The following TBC1D8 variants were observed in gnomAD, a reference collection of about 807,000 sequenced individuals.
TBC1D8 encodes the protein BUB2-like protein 1.
Under a neutral mutation model 118.8 loss-of-function variants are expected in TBC1D8, and 65 were observed. The observed-to-expected ratio is 0.55, with a 90% CI of 0.45 to 0.67. The LOEUF is 0.67. Ranked by LOEUF, TBC1D8 falls within the 30% of genes least tolerant of loss-of-function variation. The pLI is 0.00. For missense variants in TBC1D8, 1,376 were observed against 1,471.2 expected (o/e 0.94, Z 1.06); for synonymous variants, 566 against 595.8 (o/e 0.95, Z 0.73).
intron 17 of TBC1D8, among the ~76,000 whole-genome samples, chr2:101,017,398 T>G (rs991586843): frequency 2.0e-5 from 3 of 152,244 alleles, no homozygotes; most frequent in African/African-American, 4.8e-5. Context: ...TATGCTATAC[T>G]TTTATACAAC....
At chr2:101,035,848 C>T (rs1680971509) in intron 9 of TBC1D8, among the ~76,000 whole-genome samples, 170 bp downstream of exon 9, 1 of 152,200 alleles carries the variant, frequency 6.6e-6, no homozygotes, top group South Asian at 2.1e-4. Context: ...TGACCCAGGT[C>T]CCACAGCTGA....
At chr2:101,134,191 TCTCTCTCACA>T (rs1159786432) in intron 1 of TBC1D8, among the ~76,000 whole-genome samples, 13 of 96,100 alleles carry the variant, frequency 1.4e-4, no homozygotes, top group East Asian at 6.9e-4. Flanking sequence ...TCTCTCTCTC[TCTCTCTCACA>T]CACACACACA....
intron 1 of TBC1D8, among the ~76,000 whole-genome samples, chr2:101,105,943 T>A (rs1003962800): frequency 9.9e-5 from 15 of 152,128 alleles, no homozygotes; most frequent in Non-Finnish European, 1.9e-4. Flanking sequence ...TATTCATAAT[T>A]ATCTAAAACT....
chr2:101,023,734 T>C (rs1439782405), intron 15 of TBC1D8: 2 of 348,706 alleles, frequency 5.7e-6, no homozygotes, highest in Admixed American at 4.6e-5. Flanking sequence ...TTTCCACCCA[T>C]ACTAAATGAC....
intron 1 of TBC1D8, among the ~76,000 whole-genome samples, chr2:101,096,632 G>T (rs910285030): frequency 2.0e-5 from 3 of 151,930 alleles, no homozygotes; most frequent in Admixed American, 1.3e-4. Context: ...CTCTGAGGAA[G>T]AATTAATAAG....
At chr2:101,063,014 A>G (rs1201850815) in intron 2 of TBC1D8, among the ~76,000 whole-genome samples, 1 of 152,182 alleles carries the variant, frequency 6.6e-6, no homozygotes, top group African/African-American at 2.4e-5. Flanking sequence ...GCATTAAAAA[A>G]GATACTTTGT....
intron 13 of TBC1D8, 46 bp from the exon 14 acceptor site, chr2:101,028,192 A>G: frequency 6.2e-7 from 1 of 1,610,546 alleles, no homozygotes; most frequent in Non-Finnish European, 8.5e-7. Flanking sequence ...TGCTCATCCA[A>G]AGTGTGGAAA....
chr2:101,096,796 G>GGGGGGA (rs1553418147), intron 1 of TBC1D8, among the ~76,000 whole-genome samples: 2 of 146,502 alleles, frequency 1.4e-5, no homozygotes, highest in Non-Finnish European at 3.0e-5. Context: ...AGAGAGAGGG[G>GGGGGGA]GAGAGAGAGA....
At chr2:101,103,896 G>T (rs1408347389) in intron 1 of TBC1D8, among the ~76,000 whole-genome samples, 1 of 150,762 alleles carries the variant, frequency 6.6e-6, no homozygotes, top group East Asian at 1.9e-4. Flanking sequence ...AGAGAGAGAA[G>T]AAAAAAACAA....
chr2:101,040,443 A>G, intron 5 of TBC1D8, 58 bp from the exon 6 acceptor site: 1 of 1,465,202 alleles, frequency 6.8e-7, no homozygotes, highest in Non-Finnish European at 9.3e-7. Flanking sequence ...GACAGCCAAG[A>G]TTACAAAGGA....
At chr2:101,008,823 A>G (rs1372341700) in intron 19 of TBC1D8, among the ~76,000 whole-genome samples, 1 of 151,940 alleles carries the variant, frequency 6.6e-6, no homozygotes, top group Non-Finnish European at 1.5e-5. Flanking sequence ...AAAAAAAAAA[A>G]ATGAAACCAC....
intron 2 of TBC1D8, among the ~76,000 whole-genome samples, chr2:101,062,830 C>T (rs572718428): frequency 6.6e-4 from 100 of 152,194 alleles, no homozygotes; most frequent in African/African-American, 2.2e-3. Flanking sequence ...TTAGTAGAGA[C>T]GGGGTTTCAC....
chr2:101,123,466 TG>T (rs1213496700), intron 1 of TBC1D8, among the ~76,000 whole-genome samples: 3 of 152,080 alleles, frequency 2.0e-5, no homozygotes, highest in Non-Finnish European at 4.4e-5. Flanking sequence ...ACAAAAATAT[TG>T]TGGAGCCACT....
chr2:101,015,961 A>C (rs1213354840), intron 17 of TBC1D8, among the ~76,000 whole-genome samples: 4 of 151,896 alleles, frequency 2.6e-5, no homozygotes, highest in Admixed American at 6.6e-5. Flanking sequence ...ACCTAAAACC[A>C]TAAAAACCCT....
chr2:101,137,031 CTTTT>C (rs34792672), intron 1 of TBC1D8, among the ~76,000 whole-genome samples: 5 of 121,048 alleles, frequency 4.1e-5, no homozygotes, highest in Non-Finnish European at 3.3e-5. Flanking sequence ...TAGGCTAATT[CTTTT>C]TTTTTTTTTT....
Position 101,027,400 on chromosome 2 carries a change from G to A in TBC1D8, c.2503C>T (p.Leu835Phe). Residue 835 changes from leucine (L) to phenylalanine (F), a missense_variant, in exon 15 of 20, where the codon CTC becomes TTC. Leu to Phe is a conservative substitution (Grantham distance 22). Transcript: ENST00000409318. The stretch of plus-strand genomic sequence containing the variant: ...CTGCGTACCTTGAATAAGTCGTAGA[G>A]CTCCTCTAGGTCTTCAGGAAGAATT... ...VSILPEDLEE[L>F]YDLFKREHMM... is the part of the protein sequence containing the mutation. 3 of 1,613,250 alleles carry A rather than the reference G, an allele frequency of 1.9e-6. No homozygotes were observed. The highest frequency in any genetic ancestry group is 2.5e-6 in the Non-Finnish European group (3 of 1,179,336).
chr2:101,139,340 C>T (rs752807819), intron 1 of TBC1D8, among the ~76,000 whole-genome samples: 16 of 151,868 alleles, frequency 1.1e-4, no homozygotes, highest in Non-Finnish European at 1.5e-4. Flanking sequence ...AAAAAAAACA[C>T]CACCACATCC....
Position 101,081,459 on chromosome 2 carries a change from G to A in TBC1D8, c.283+8750C>T, listed in dbSNP as rs184776272. 1.8e-4 allele frequency among the ~76,000 whole-genome samples: 28 copies of A among 152,312 alleles called. No homozygotes were observed. The East Asian group carries it at 4.2e-3, about 23-fold the overall frequency. On this transcript the variant is annotated intron_variant, in intron 2 of 19. Transcript: ENST00000409318. ...CCATAAACAGAGCCAACAAACTACT[G>A]GAGCAGCCCAGAGTCCAAACTTGGA...
intron 1 of TBC1D8, among the ~76,000 whole-genome samples, chr2:101,145,238 C>T (rs1679271735): frequency 6.6e-6 from 1 of 152,208 alleles, no homozygotes; most frequent in South Asian, 2.1e-4. Context: ...TCACTAAATG[C>T]AACTCTTGGA....
Sources: gnomAD v4.1 joint callset for allele counts (sites outside exome capture counted in the v4.1 genomes callset) on GRCh38, gnomAD v4.1.1 for gene constraint, MANE v1.5 for transcripts, NCBI Gene and HGNC (gene_info 2026-07-23, HGNC 2026-07-21) for gene names.